Variants in SCP2 observed in about 807,000 individuals in gnomAD.
SCP2 encodes the protein SCP-2/3-oxoacyl-CoA thiolase.
SCP2 carries 48 observed loss-of-function variants against 71.4 expected under a neutral mutation model. That is an observed-to-expected ratio of 0.67 (90% CI 0.53 to 0.86). The LOEUF (loss-of-function observed/expected upper bound fraction) is 0.86. Ranked by LOEUF, SCP2 falls within the 40% of genes least tolerant of loss-of-function variation. SCP2 has a pLI of 0.00. For missense variants in SCP2, 560 were observed against 655.6 expected (o/e 0.85, Z 1.59); for synonymous variants, 220 against 218.1 (o/e 1.01, Z -0.08).
rs1488964189 is a variant in SCP2, at chr1:52,988,091, C to G, written c.1036C>G (p.Pro346Ala). ...ATATGGAGGAAAGTGGGTCATAAATCCTAGTGGTGGACTGATTTCAAAGGG... is the reference window on the plus strand; with the variant it reads ...ATATGGAGGAAAGTGGGTCATAAATGCTAGTGGTGGACTGATTTCAAAGGG... Reference protein sequence around the residue: ...NTYGGKWVINPSGGLISKGHP... With the variant: ...NTYGGKWVINASGGLISKGHP... The change falls in exon 11 of 16, where the codon CCT becomes GCT. Residue 346 changes from proline to alanine, a missense_variant. Coordinates refer to ENST00000371514, the MANE Select transcript of SCP2 (RefSeq NM_002979.5). 1 of 1,606,296 alleles carries G rather than the reference C, an allele frequency of 6.2e-7. No individual in the cohort carries two copies.
At chr1:52,997,180 A>AT (rs904935740) in intron 11 of SCP2, among the ~76,000 whole-genome samples, 4 of 151,946 alleles carry the variant, frequency 2.6e-5, no homozygotes, top group African/African-American at 9.7e-5. Context: ...ATTTTTTTAG[A>AT]TTTTTTTCCA....
At chr1:52,968,919 A>G (rs1337175509) in intron 6 of SCP2, among the ~76,000 whole-genome samples, 1 of 152,152 alleles carries the variant, frequency 6.6e-6, no homozygotes, top group Non-Finnish European at 1.5e-5. Context: ...CTATGCTCAT[A>G]ATAAAGTAAG....
intron 11 of SCP2, among the ~76,000 whole-genome samples, chr1:53,004,483 C>T (rs1660503185): frequency 6.6e-6 from 1 of 152,180 alleles, no homozygotes; most frequent in Non-Finnish European, 1.5e-5. Flanking sequence ...TGAAAATAGT[C>T]AGTTCCTGCC....
chr1:52,974,693 T>C (rs993551547), intron 6 of SCP2, 76 bp from the exon 7 acceptor site: 2 of 800,296 alleles, frequency 2.5e-6, no homozygotes, highest in African/African-American at 3.4e-5. Flanking sequence ...AGCAGAACAC[T>C]GAGTACCATT....
chr1:52,979,309 C>G (rs374076869), intron 9 of SCP2, among the ~76,000 whole-genome samples: 2 of 151,908 alleles, frequency 1.3e-5, no homozygotes, highest in Admixed American at 6.6e-5. Context: ...GAAAGTGGGA[C>G]TACAGGCATG....
chr1:52,954,654 C>T (rs534755471), intron 4 of SCP2, 86 bp from the exon 5 acceptor site: 57 of 1,087,568 alleles, frequency 5.2e-5, no homozygotes, highest in African/African-American at 4.0e-4. Flanking sequence ...GCTCACTTGA[C>T]GTACTTATTT....
intron 12 of SCP2, 99 bp from the exon 13 acceptor site, chr1:53,027,870 C>G: frequency 1.4e-6 from 1 of 698,460 alleles, no homozygotes; most frequent in Non-Finnish European, 2.6e-6. Flanking sequence ...CATCTCTGTT[C>G]TTAGGGTTTT....
chr1:52,995,105 G>A (rs1659831787), intron 11 of SCP2: 1 of 500,332 alleles, frequency 2.0e-6, no homozygotes, highest in Non-Finnish European at 4.1e-6. Context: ...TAAGAGAGCT[G>A]TGACTGCCTG....
At chr1:53,002,505 T>G (rs978006812) in intron 11 of SCP2, among the ~76,000 whole-genome samples, 1 of 152,192 alleles carries the variant, frequency 6.6e-6, no homozygotes, top group African/African-American at 2.4e-5. Context: ...CCTGAGAGCA[T>G]GCATTTACCT....
rs537036595 is a variant in SCP2 at position 52,968,497 on chromosome 1, G to A, written c.524-6272G>A. ...TTCTTGTTAATATAACAGCTTTATT[G>A]AGGTATAATTCTTATATCATATAAT... On this transcript the variant is annotated intron_variant, in intron 6 of 15. Coordinates refer to ENST00000371514, the MANE Select transcript of SCP2 (RefSeq NM_002979.5). Among the ~76,000 whole-genome samples, 3 of 152,006 alleles carry A rather than the reference G, an allele frequency of 2.0e-5. No homozygotes were observed. The East Asian group carries it at 5.8e-4, about 29-fold the overall frequency.
intron 13 of SCP2, among the ~76,000 whole-genome samples, chr1:53,035,720 T>A (rs1009676883): frequency 6.6e-6 from 1 of 152,150 alleles, no homozygotes; most frequent in Non-Finnish European, 1.5e-5. Context: ...GATCATAGAA[T>A]AAAACAACAA....
Position 52,980,882 on chromosome 1 carries a change from T to C in SCP2, c.973+339T>C, listed in dbSNP as rs75014359. Among the ~76,000 whole-genome samples the C allele has an allele frequency of 2.8e-3, 430 of 152,364 alleles. 4 individuals carry two copies. Among genetic ancestry groups the C allele is most frequent in the African/African-American group, 1.0e-2 (415 of 41,588 alleles). On this transcript the variant is annotated intron_variant, in intron 10 of 15. Transcript: ENST00000371514. ...TTTGCTTTCAACCTATTTATGTTAA[T>C]TTATTTAAAGTGTATCTCTTATAGG...
intron 14 of SCP2, among the ~76,000 whole-genome samples, chr1:53,047,165 C>T (rs905563688): frequency 5.9e-5 from 9 of 152,252 alleles, no homozygotes; most frequent in Admixed American, 1.3e-4. Context: ...CAGCTCCTAA[C>T]GGCCAGTTCC....
chr1:52,982,350 A>C (rs776389285), intron 10 of SCP2, among the ~76,000 whole-genome samples: 46 of 152,088 alleles, frequency 3.0e-4, no homozygotes, highest in Admixed American at 5.9e-4. Context: ...GCGGGCAGAT[A>C]ACGAGGTCAG....
At position 52,980,555 on chromosome 1, in the gene SCP2, G is replaced by A. The variant is rs1248423608; in HGVS notation, c.973+12G>A. 1 of 1,609,448 alleles carries A rather than the reference G, an allele frequency of 6.2e-7. No homozygotes were observed. The highest frequency in any genetic ancestry group is 1.7e-5 in the Admixed American group (1 of 60,012). Reference sequence around the variant, plus strand: ...ACTCTGTCCAGAAGGTAACATCTTTGAATAGGGCAGATTAATTCAGTAAAT... The same window carrying A: ...ACTCTGTCCAGAAGGTAACATCTTTAAATAGGGCAGATTAATTCAGTAAAT... On this transcript the variant is annotated intron_variant, in intron 10 of 15. Coordinates refer to ENST00000371514, the MANE Select transcript of SCP2 (RefSeq NM_002979.5).
At chr1:52,963,795 A>G (rs1025740219) in intron 6 of SCP2, 4 of 152,208 alleles carry the variant, frequency 2.6e-5, no homozygotes, top group Non-Finnish European at 1.5e-5. Context: ...AATAGGTGAT[A>G]GGAGAGGGTT....
chr1:52,940,043 T>G (rs181974929), intron 1 of SCP2, among the ~76,000 whole-genome samples: 1 of 152,266 alleles, frequency 6.6e-6, no homozygotes, highest in East Asian at 1.9e-4. Context: ...TTGATGTCAG[T>G]GTTTTGGATT....
chr1:53,015,551 C>G (rs980775482), intron 12 of SCP2, among the ~76,000 whole-genome samples: 3 of 152,224 alleles, frequency 2.0e-5, no homozygotes, highest in African/African-American at 7.2e-5. Context: ...GATCCCTCAA[C>G]TCCCTTGCTT....
chr1:52,947,867 T>C, intron 2 of SCP2, 142 bp from the exon 3 acceptor site: 1 of 676,700 alleles, frequency 1.5e-6, no homozygotes, highest in Non-Finnish European at 2.7e-6. Context: ...AGATGTGACA[T>C]GATTTGATGA....
Sources: allele counts gnomAD v4.1 joint callset (sites outside exome capture counted in the v4.1 genomes callset), GRCh38; gene constraint gnomAD v4.1.1; transcripts MANE v1.5; gene names NCBI Gene and HGNC (gene_info 2026-07-23, HGNC 2026-07-21).